The following FOXP1 variants were observed in gnomAD, a reference collection of about 807,000 sequenced individuals.
The protein encoded by FOXP1 is forkhead box P1, also known as forkhead box protein P1.
Under a neutral mutation model 98.2 loss-of-function variants are expected in FOXP1, and 15 were observed. The observed-to-expected ratio is 0.15, with a 90% CI of 0.10 to 0.24. FOXP1 has a LOEUF of 0.24. Among genes scored for constraint, FOXP1 ranks in the 10% least tolerant of loss-of-function variants. The pLI is 1.00. For synonymous variants in FOXP1, 371 were observed against 314.5 expected, an observed-to-expected ratio of 1.18 and a Z score of -1.90; for missense variants, 633 against 848.5, an observed-to-expected ratio of 0.75 and a Z score of 3.15.
intron 6 of FOXP1, among the ~76,000 whole-genome samples, chr3:71,115,661 A>T (rs976948975): frequency 6.6e-6 from 1 of 151,772 alleles, no homozygotes; most frequent in Non-Finnish European, 1.5e-5. Context: ...GTCAAGTCTC[A>T]GAGCAGCTAT....
intron 3 of FOXP1, among the ~76,000 whole-genome samples, chr3:71,470,664 G>A (rs916402373): frequency 3.3e-5 from 5 of 152,070 alleles, no homozygotes; most frequent in Admixed American, 6.6e-5. Context: ...GCTTGAACCC[G>A]GAGGCAGAGG....
intron 3 of FOXP1, among the ~76,000 whole-genome samples, chr3:71,385,588 C>T (rs1184281757): frequency 2.0e-5 from 3 of 152,040 alleles, no homozygotes; most frequent in Non-Finnish European, 4.4e-5. Flanking sequence ...ACAGCGCATG[C>T]TCATGAATAA....
At position 71,085,309 on chromosome 3, in the gene FOXP1, A is replaced by C. The variant is rs563534783; in HGVS notation, c.282+27227T>G. Among the ~76,000 whole-genome samples the C allele has an allele frequency of 2.2e-4, 34 of 152,130 alleles. No individual in the cohort carries two copies. The South Asian group carries it at 6.2e-3, about 28-fold the overall frequency. ...AGGTGCATAACACCACATTCAGCTA[A>C]TTTAAAAAAAAATTTTTTTTTGTAG... On this transcript the variant is annotated intron_variant, in intron 7 of 20. Transcript: ENST00000649528.
intron 9 of FOXP1, 142 bp from the exon 10 acceptor site, chr3:71,047,237 A>G (rs1355266575): frequency 7.5e-6 from 7 of 937,276 alleles, no homozygotes; most frequent in Non-Finnish European, 1.0e-5. Context: ...CAAGGTTTAA[A>G]AGGGACAAAG....
At chr3:71,326,568 AGAAG>A (rs1207496043) in intron 4 of FOXP1, among the ~76,000 whole-genome samples, 1 of 152,210 alleles carries the variant, frequency 6.6e-6, no homozygotes, top group Admixed American at 6.5e-5. Flanking sequence ...GTGAAAAAAT[AGAAG>A]GAAGGAAGGG....
chr3:70,996,512 A>T (rs1219629683), intron 13 of FOXP1, among the ~76,000 whole-genome samples: 1 of 152,176 alleles, frequency 6.6e-6, no homozygotes, highest in Non-Finnish European at 1.5e-5. Flanking sequence ...GGCTAACAGT[A>T]GTTATTTTGG....
intron 3 of FOXP1, among the ~76,000 whole-genome samples, chr3:71,415,220 A>G (rs1024007484): frequency 1.3e-5 from 2 of 152,214 alleles, no homozygotes; most frequent in African/African-American, 2.4e-5. Flanking sequence ...AGATGTTCTC[A>G]ATTTAAAACC....
At chr3:71,322,086 A>C (rs1182359884) in intron 4 of FOXP1, among the ~76,000 whole-genome samples, 2 of 152,204 alleles carry the variant, frequency 1.3e-5, no homozygotes, top group South Asian at 2.1e-4. Flanking sequence ...AGAGGTGTAT[A>C]AACTACAAAA....
chr3:71,528,055 T>C (rs1438216120), intron 2 of FOXP1, among the ~76,000 whole-genome samples: 2 of 152,218 alleles, frequency 1.3e-5, no homozygotes, highest in African/African-American at 4.8e-5. Context: ...AGACTTTGTG[T>C]ATAGATGGTT....
intron 7 of FOXP1, among the ~76,000 whole-genome samples, chr3:71,066,091 CAAAAAAAAAA>C (rs34279433): frequency 9.5e-6 from 1 of 104,998 alleles, no homozygotes; most frequent in Non-Finnish European, 2.0e-5. Context: ...TATTTGCCTT[CAAAAAAAAAA>C]AAAAAAAAAA....
intron 4 of FOXP1, among the ~76,000 whole-genome samples, chr3:71,313,740 T>C (rs2074874262): frequency 6.6e-6 from 1 of 151,874 alleles, no homozygotes; most frequent in Non-Finnish European, 1.5e-5. Flanking sequence ...TTAGCCAGGA[T>C]GGTCTCGATC....
At chr3:71,541,260 G>A (rs1421335968) in intron 2 of FOXP1, among the ~76,000 whole-genome samples, 8 of 152,184 alleles carry the variant, frequency 5.3e-5, no homozygotes, top group African/African-American at 1.7e-4. Flanking sequence ...CCTGTTAAAA[G>A]AGAAGAATAA....
chr3:71,146,151 C>A (rs1178973799), intron 6 of FOXP1, among the ~76,000 whole-genome samples: 3 of 152,088 alleles, frequency 2.0e-5, no homozygotes, highest in Non-Finnish European at 1.5e-5. Context: ...AGAAGCAGTC[C>A]CTTCAGGGTG....
intron 6 of FOXP1, among the ~76,000 whole-genome samples, chr3:71,169,826 A>T (rs960942812): frequency 6.6e-6 from 1 of 152,146 alleles, no homozygotes; most frequent in African/African-American, 2.4e-5. Context: ...ATGTAATTCA[A>T]ATAACAAGCT....
chr3:71,047,148 A>G (rs2049131440), intron 9 of FOXP1, 53 bp from the exon 10 acceptor site: 1 of 1,603,450 alleles, frequency 6.2e-7, no homozygotes, highest in Non-Finnish European at 8.5e-7. Flanking sequence ...AGGAAGGTTA[A>G]AAGTATGGAC....
At chr3:71,045,025 G>A (rs1310698912) in intron 10 of FOXP1, among the ~76,000 whole-genome samples, 1 of 152,108 alleles carries the variant, frequency 6.6e-6, no homozygotes, top group East Asian at 1.9e-4. Context: ...GTGAGGGAGT[G>A]GGGGGACAAA....
intron 2 of FOXP1, among the ~76,000 whole-genome samples, chr3:71,567,012 A>G (rs1035402060): frequency 2.6e-5 from 4 of 152,024 alleles, no homozygotes; most frequent in African/African-American, 7.2e-5. Context: ...GCTGCATACC[A>G]TTGTGTCAGG....
intron 10 of FOXP1, among the ~76,000 whole-genome samples, chr3:71,046,414 G>C (rs770086720): frequency 6.7e-6 from 1 of 149,778 alleles, no homozygotes; most frequent in Non-Finnish European, 1.5e-5. Context: ...AATGCAAAAA[G>C]AAAAAAAAAG....
intron 2 of FOXP1, among the ~76,000 whole-genome samples, chr3:71,539,472 A>G (rs1287702404): frequency 6.7e-6 from 1 of 148,650 alleles, no homozygotes; most frequent in African/African-American, 2.5e-5. Context: ...TGGCATTTCC[A>G]TATGACTTTT....
Sources: gnomAD v4.1 joint callset for allele counts (sites outside exome capture counted in the v4.1 genomes callset) on GRCh38, gnomAD v4.1.1 for gene constraint, MANE v1.5 for transcripts, NCBI Gene and HGNC (gene_info 2026-07-23, HGNC 2026-07-21) for gene names.